AP1AR: variants seen among roughly 807,000 people sequenced by gnomAD.
AP1AR encodes adaptor related protein complex 1 associated regulatory protein, also known as AP-1 complex-associated regulatory protein.
AP1AR carries 29 observed loss-of-function variants against 46.3 expected under a neutral mutation model. That is an observed-to-expected ratio of 0.63 (90% CI 0.47 to 0.85). AP1AR has a LOEUF of 0.85. Among genes scored for constraint, AP1AR ranks in the 40% least tolerant of loss-of-function variants. AP1AR has a pLI of 0.00. For synonymous variants in AP1AR, 122 were observed against 122.9 expected (o/e 0.99, Z 0.05); for missense variants, 357 against 356.3 (o/e 1.00, Z -0.02).
chr4:112,247,119 A>G (rs1725757492), intron 1 of AP1AR, among the ~76,000 whole-genome samples: 1 of 152,154 alleles, frequency 6.6e-6, no homozygotes, highest in Non-Finnish European at 1.5e-5. Context: ...CTATACTTCC[A>G]TTTCTCGATA....
At chr4:112,235,783 A>G (rs923680244) in intron 1 of AP1AR, among the ~76,000 whole-genome samples, 27 of 151,492 alleles carry the variant, frequency 1.8e-4, no homozygotes, top group Admixed American at 1.3e-3. Flanking sequence ...TTTGGTTGCT[A>G]TCTCTCTCAT....
intron 1 of AP1AR, among the ~76,000 whole-genome samples, chr4:112,237,113 T>C (rs755446740): frequency 1.3e-5 from 2 of 152,202 alleles, no homozygotes; most frequent in Non-Finnish European, 2.9e-5. Context: ...CAGTGTTTTC[T>C]TTTTGTTTCC....
chr4:112,240,056 G>A (rs998196211), intron 1 of AP1AR, among the ~76,000 whole-genome samples: 1 of 152,138 alleles, frequency 6.6e-6, no homozygotes, highest in African/African-American at 2.4e-5. Flanking sequence ...TAGATCTTTT[G>A]CCTTTTAAAT....
chr4:112,268,041 A>G lies in AP1AR; in HGVS notation c.644-103A>G. ...GGGTCTTTAAGTTAATTCACACATC[A>G]AGTCTGATAGTTAAATAAAAACTAC... On this transcript the variant is annotated intron_variant, in intron 9 of 9. Transcript: ENST00000274000. The G allele has an allele frequency of 4.1e-6, 5 of 1,207,146 alleles. No individual in the cohort carries two copies. The South Asian group carries it at 9.0e-5, about 22-fold the overall frequency. The allele number at this position is 1,207,146 out of a possible 1,614,324, so 74.8% of individuals were successfully genotyped here.
intron 1 of AP1AR, among the ~76,000 whole-genome samples, chr4:112,243,745 A>G (rs1210650833): frequency 1.3e-5 from 2 of 152,054 alleles, no homozygotes; most frequent in African/African-American, 2.4e-5. Context: ...AACTACCTCA[A>G]TTTGTGCAAG....
In AP1AR at chr4:112,271,235, TA is replaced by T. The variant is rs1726937302; in HGVS notation, c.*2829del. On this transcript the variant is annotated 3_prime_UTR_variant, in exon 10 of 10. Transcript: ENST00000274000. ...TCCTCCATGGCAAGATAGGCCATCGTAAAGGAGCTGTCAAAGGGCCATTTAT... is the reference window on the plus strand; with the variant it reads ...TCCTCCATGGCAAGATAGGCCATCGTAAGGAGCTGTCAAAGGGCCATTTAT... 6.6e-6 allele frequency among the ~76,000 whole-genome samples: 1 copy of T among 152,202 alleles called. No individual in the cohort carries two copies.
At position 112,253,218 on chromosome 4, in the gene AP1AR, T is replaced by G; in HGVS notation, c.94T>G (p.Phe32Val). ...RVGGGGGSKY[F>V]RTCSRGEHLT... is the part of the protein sequence containing the mutation. ...TGTTTTCCTTCCCAGATCCAAGTAT[T>G]TTAGAACATGCTCAAGAGGTGAGCA... is the stretch of plus-strand genomic sequence containing the variant. Residue 32 changes from phenylalanine to valine, a missense_variant, in exon 2 of 10, where the codon TTT becomes GTT. This residue lies in a region of AP1AR where 269 missense variants were observed against 223.6 expected (regional missense o/e 1.20). Coordinates refer to ENST00000274000, the MANE Select transcript of AP1AR (RefSeq NM_018569.6). The G allele has an allele frequency of 6.2e-7, 1 of 1,610,532 alleles. No homozygotes were observed. Among genetic ancestry groups the G allele is most frequent in the Non-Finnish European group, 8.5e-7 (1 of 1,178,566 alleles).
chr4:112,250,362 T>C (rs1012711754), intron 1 of AP1AR, among the ~76,000 whole-genome samples: 4 of 152,246 alleles, frequency 2.6e-5, no homozygotes, highest in African/African-American at 9.6e-5. Context: ...AAATCTGAAA[T>C]GGTCCTTTCA....
chr4:112,231,976 C>T lies in AP1AR; in HGVS notation c.-116C>T, dbSNP rs955896339. The T allele has an allele frequency of 3.2e-5, 32 of 993,574 alleles. No homozygotes were observed. In the African/African-American group the frequency reaches 4.7e-4, roughly 15 times the overall value. 61.5% of individuals were successfully genotyped at this position (993,574 alleles called of 1,614,324 possible). On this transcript the variant is annotated 5_prime_UTR_variant, in exon 1 of 10. Coordinates refer to ENST00000274000, the MANE Select transcript of AP1AR (RefSeq NM_018569.6). The stretch of plus-strand genomic sequence containing the variant: ...TCACGCCGCCGGGCTCTGGCCGGCC[C>T]GCCCTCGGTCCTTGAACCCCATTTC...
At chr4:112,247,074 G>A (rs1291386901) in intron 1 of AP1AR, among the ~76,000 whole-genome samples, 1 of 152,176 alleles carries the variant, frequency 6.6e-6, no homozygotes, top group African/African-American at 2.4e-5. Flanking sequence ...CTTACTGGGA[G>A]ATAACTCACT....
chr4:112,241,152 G>C (rs1725480550), intron 1 of AP1AR, among the ~76,000 whole-genome samples: 2 of 152,104 alleles, frequency 1.3e-5, no homozygotes, highest in South Asian at 4.1e-4. Flanking sequence ...CTCTGCCAAG[G>C]CATAAAATTA....
Position 112,268,203 on chromosome 4 carries a change from G to T in AP1AR, c.703G>T (p.Ala235Ser), listed in dbSNP as rs545718393. 1 of 1,608,680 alleles carries T rather than the reference G, an allele frequency of 6.2e-7. No homozygotes were observed. Among genetic ancestry groups the T allele is most frequent in the Non-Finnish European group, 8.5e-7 (1 of 1,177,302 alleles). The change falls in exon 10 of 10, where the codon GCA becomes TCA. Residue 235 changes from alanine (A) to serine (S), a missense_variant. By Grantham distance (99) the Ala-to-Ser change is moderately conservative. Coordinates refer to ENST00000274000, the MANE Select transcript of AP1AR (RefSeq NM_018569.6). Reference protein sequence around the residue: ...RSKTEEDILRAALKYSNKKTG... With the variant: ...RSKTEEDILRSALKYSNKKTG... ...CAAAACAGAGGAAGACATTCTACGG[G>T]CAGCACTTAAGTATAGCAACAAGAA...
At chr4:112,255,466 C>T (rs1382575518) in intron 3 of AP1AR, among the ~76,000 whole-genome samples, 4 of 152,138 alleles carry the variant, frequency 2.6e-5, no homozygotes, top group Non-Finnish European at 5.9e-5. Flanking sequence ...GACAAGATCT[C>T]GCTATGTTGC....
At chr4:112,235,492 T>C (rs1441866358) in intron 1 of AP1AR, among the ~76,000 whole-genome samples, 5 of 152,198 alleles carry the variant, frequency 3.3e-5, no homozygotes, top group African/African-American at 4.8e-5. Context: ...TTTCCATTCC[T>C]AGTAAAAATG....
At chr4:112,258,428 G>GAACATCCTGGTCT (rs1726299208) in intron 4 of AP1AR, among the ~76,000 whole-genome samples, 1 of 152,172 alleles carries the variant, frequency 6.6e-6, no homozygotes, top group Non-Finnish European at 1.5e-5. Flanking sequence ...TTAGAAGAAA[G>GAACATCCTGGTCT]AACATCCTGG....
intron 1 of AP1AR, among the ~76,000 whole-genome samples, chr4:112,252,949 G>A (rs1443879453): frequency 1.3e-5 from 2 of 152,112 alleles, no homozygotes; most frequent in African/African-American, 4.8e-5. Context: ...AGTAAATATA[G>A]TAAATTAATT....
chr4:112,266,515 G>T, intron 8 of AP1AR, 73 bp from the exon 9 acceptor site: 1 of 1,380,476 alleles, frequency 7.2e-7, no homozygotes, highest in South Asian at 1.3e-5. Flanking sequence ...ACAGATAATT[G>T]TTACAAAATA....
chr4:112,246,210 A>G (rs549725116), intron 1 of AP1AR, among the ~76,000 whole-genome samples: 1 of 152,068 alleles, frequency 6.6e-6, no homozygotes, highest in East Asian at 1.9e-4. Flanking sequence ...CTGTCCCATT[A>G]ATATATAATT....
chr4:112,259,436 T>G (rs983883612), intron 4 of AP1AR, among the ~76,000 whole-genome samples: 1 of 152,242 alleles, frequency 6.6e-6, no homozygotes, highest in Non-Finnish European at 1.5e-5. Flanking sequence ...AATCCTTATA[T>G]CTACCTTAGA....
Sources: gnomAD v4.1 joint callset for allele counts (sites outside exome capture counted in the v4.1 genomes callset) on GRCh38, gnomAD v4.1.1 for gene constraint, gnomAD v4.1.1 regional missense constraint, MANE v1.5 for transcripts, NCBI Gene and HGNC (gene_info 2026-07-23, HGNC 2026-07-21) for gene names.